PCDH15: variants seen among roughly 807,000 people sequenced by gnomAD.
PCDH15 encodes the protein protocadherin-15.
A neutral mutation model predicts 178.5 loss-of-function variants in PCDH15; 129 were observed. The ratio of observed to expected loss-of-function variants is 0.72; its 90% confidence interval spans 0.63 to 0.84. The LOEUF (loss-of-function observed/expected upper bound fraction) is 0.84, where lower values mean the gene tolerates loss of function less well. Among genes scored for constraint, PCDH15 ranks in the 40% least tolerant of loss-of-function variants. PCDH15 has a pLI of 0.00. For missense variants in PCDH15, 2,230 were observed against 2,099.9 expected (o/e 1.06, Z -1.21); for synonymous variants, 800 against 732.0 (o/e 1.09, Z -1.50).
At chr10:54,060,382 AAAC>A (rs2093988427) in intron 18 of PCDH15, among the ~76,000 whole-genome samples, 1 of 152,184 alleles carries the variant, frequency 6.6e-6, no homozygotes, top group Admixed American at 6.5e-5. Flanking sequence ...GAAAAATCAT[AAAC>A]AATTGTTTGC....
Position 53,938,926 on chromosome 10 carries a change from CACCTGTGATGTTA to C in PCDH15, c.3249_3261del (p.Asn1083LysfsTer5). On this transcript the variant is annotated frameshift_variant, in exon 25 of 38. Coordinates refer to ENST00000644397, the MANE Select transcript of PCDH15 (RefSeq NM_001384140.1). LOFTEE classifies it high-confidence loss of function. ...TCCAGAGGTCCATTCACATAGATAA[CACCTGTGATGTTA>C]TTAATTCCAAATGTATCTAGAAATT... The C allele has an allele frequency of 6.2e-7, 1 of 1,612,776 alleles. No individual in the cohort carries two copies. The highest frequency in any genetic ancestry group is 8.5e-7 in the Non-Finnish European group (1 of 1,179,076).
chr10:54,406,079 A>T (rs149715195), intron 3 of PCDH15, among the ~76,000 whole-genome samples: 1 of 152,238 alleles, frequency 6.6e-6, no homozygotes, highest in Non-Finnish European at 1.5e-5. Flanking sequence ...CAGTTATTGT[A>T]TGGAACAGAT....
At chr10:54,750,227 G>A (rs1946036088) in intron 1 of PCDH15, among the ~76,000 whole-genome samples, 1 of 151,914 alleles carries the variant, frequency 6.6e-6, no homozygotes, top group Non-Finnish European at 1.5e-5. Flanking sequence ...CGTAGAGATG[G>A]CTTATATTGT....
intron 3 of PCDH15, among the ~76,000 whole-genome samples, chr10:54,854,195 G>A (rs1347415476): frequency 6.6e-6 from 1 of 152,118 alleles, no homozygotes; most frequent in Non-Finnish European, 1.5e-5. Flanking sequence ...CAGCTTCCAT[G>A]GCTGGCACCA....
intron 3 of PCDH15, among the ~76,000 whole-genome samples, chr10:54,474,300 C>T (rs1183177272): frequency 2.0e-5 from 3 of 151,800 alleles, no homozygotes; most frequent in African/African-American, 7.2e-5. Flanking sequence ...CAAATCAATC[C>T]TTGTTTTACA....
At chr10:54,342,298 ACATGG>A (rs1241198844) in intron 6 of PCDH15, among the ~76,000 whole-genome samples, 1 of 152,184 alleles carries the variant, frequency 6.6e-6, no homozygotes. Context: ...CAGCCTTAGG[ACATGG>A]CATCCTATGT....
In PCDH15 at chr10:53,888,291, C is replaced by CATATATATAT. The variant is rs71004489; in HGVS notation, c.3501+14942_3501+14951dup. 1.6e-3 allele frequency among the ~76,000 whole-genome samples: 78 copies of CATATATATAT among 48,822 alleles called. 5 individuals carry two copies. The highest frequency in any genetic ancestry group is 3.8e-3 in the African/African-American group (75 of 19,904). 32.0% of individuals were successfully genotyped at this position (48,822 alleles called of 152,430 possible). A position where few individuals can be genotyped will look rare whatever the true frequency, so the allele number is the denominator to read the frequency against. ...AATAAACATTCCAACACTATATATA[C>CATATATATAT]ATATATATATATATATATGTATATA... is the stretch of plus-strand genomic sequence containing the variant. On this transcript the variant is annotated intron_variant, in intron 26 of 37. Transcript: ENST00000644397.
At chr10:55,305,332 G>T (rs965350956) in intron 1 of PCDH15, among the ~76,000 whole-genome samples, 17 of 152,192 alleles carry the variant, frequency 1.1e-4, no homozygotes, top group Non-Finnish European at 2.5e-4. Context: ...GAATTTGAAA[G>T]GGATATCACA....
At chr10:55,453,734 A>G (rs1193501582) in intron 2 of PCDH15, among the ~76,000 whole-genome samples, 2 of 152,034 alleles carry the variant, frequency 1.3e-5, no homozygotes, top group Non-Finnish European at 2.9e-5. Flanking sequence ...CACTCTCCCA[A>G]TTCCAATTCC....
chr10:54,903,802 C>T (rs138425053), intron 2 of PCDH15, among the ~76,000 whole-genome samples: 117 of 152,146 alleles, frequency 7.7e-4, no homozygotes, highest in African/African-American at 2.8e-3. Flanking sequence ...TGTATGTCTT[C>T]ATTTTATTGC....
At chr10:55,045,108 C>G (rs940374796) in intron 2 of PCDH15, among the ~76,000 whole-genome samples, 6 of 152,074 alleles carry the variant, frequency 3.9e-5, no homozygotes, top group African/African-American at 1.4e-4. Context: ...GCTCTAAAAA[C>G]ACCAAATATT....
chr10:53,977,415 C>T (rs2090271618), intron 21 of PCDH15, among the ~76,000 whole-genome samples: 1 of 152,182 alleles, frequency 6.6e-6, no homozygotes, highest in South Asian at 2.1e-4. Context: ...CTGCATGTGG[C>T]CTATGGGCCA....
chr10:55,572,536 C>G (rs1842425111), intron 2 of PCDH15, among the ~76,000 whole-genome samples: 1 of 151,916 alleles, frequency 6.6e-6, no homozygotes, highest in African/African-American at 2.4e-5. Flanking sequence ...AAAACACATA[C>G]AATTATGCTA....
chr10:55,557,795 T>C (rs1842119589), intron 2 of PCDH15, among the ~76,000 whole-genome samples: 1 of 152,134 alleles, frequency 6.6e-6, no homozygotes, highest in Non-Finnish European at 1.5e-5. Flanking sequence ...ATTCATGTTT[T>C]CTGAAAAGAG....
chr10:53,833,075 GT>G (rs931597171), intron 29 of PCDH15, among the ~76,000 whole-genome samples: 19 of 151,978 alleles, frequency 1.3e-4, no homozygotes, highest in African/African-American at 4.6e-4. Flanking sequence ...GAAACTTCTT[GT>G]TTGAATTGTT....
intron 3 of PCDH15, among the ~76,000 whole-genome samples, chr10:54,496,850 G>C (rs1241876822): frequency 6.6e-6 from 1 of 152,064 alleles, no homozygotes; most frequent in South Asian, 2.1e-4. Flanking sequence ...AAGATTATCA[G>C]CTTACGACCA....
chr10:55,173,309 ATG>A lies in PCDH15; in HGVS notation c.-155-6660_-155-6659del, dbSNP rs775260037. 6.0e-3 allele frequency among the ~76,000 whole-genome samples: 796 copies of A among 133,122 alleles called. 9 individuals carry two copies. Among genetic ancestry groups the A allele is most frequent in the African/African-American group, 0.019 (685 of 35,282 alleles). The allele number at this position is 133,122 out of a possible 152,430, so 87.3% of individuals were successfully genotyped here. A position where few individuals can be genotyped will look rare whatever the true frequency, so the allele number is the denominator to read the frequency against. ...CCTTTGATTCTATATTAGAAAGATT[ATG>A]TGTGTGTGTGTGTGTGTGTGTGTGT... is the stretch of plus-strand genomic sequence containing the variant. On this transcript the variant is annotated intron_variant, in intron 1 of 5. Coordinates refer to the PCDH15 transcript ENST00000458638.
intron 1 of PCDH15, among the ~76,000 whole-genome samples, chr10:55,182,324 G>T (rs1210910948): frequency 6.6e-6 from 1 of 151,828 alleles, no homozygotes; most frequent in Non-Finnish European, 1.5e-5. Flanking sequence ...CTACTTTTCT[G>T]TATCTACCAT....
intron 3 of PCDH15, among the ~76,000 whole-genome samples, chr10:54,838,412 C>A (rs1017029271): frequency 7.2e-5 from 11 of 152,118 alleles, no homozygotes; most frequent in Admixed American, 6.6e-4. Flanking sequence ...TGCCATTATG[C>A]AAGAGGTGCC....
Sources: allele counts gnomAD v4.1 joint callset (sites outside exome capture counted in the v4.1 genomes callset), GRCh38; gene constraint gnomAD v4.1.1; transcripts MANE v1.5; gene names NCBI Gene and HGNC (gene_info 2026-07-23, HGNC 2026-07-21).